The following DOK7 variants were observed in gnomAD, a reference collection of about 807,000 sequenced individuals.
DOK7 encodes the protein docking protein 7.
A neutral mutation model predicts 30.7 loss-of-function variants in DOK7; 32 were observed. The ratio of observed to expected loss-of-function variants is 1.04; its 90% CI spans 0.79 to 1.40. DOK7 has a LOEUF of 1.40. Ranked by LOEUF, DOK7 falls within the 40% of genes most tolerant of loss-of-function variation. DOK7 has a pLI of 0.00. For synonymous variants in DOK7, 447 were observed against 324.1 expected, an observed-to-expected ratio of 1.38 and a Z score of -4.07; for missense variants, 1,007 against 699.2, an observed-to-expected ratio of 1.44 and a Z score of -4.97.
chr4:3,470,180 A>C (rs990349935), intron 2 of DOK7, among the ~76,000 whole-genome samples: 1 of 152,164 alleles, frequency 6.6e-6, no homozygotes, highest in African/African-American at 2.4e-5. Context: ...TCAGCGCTCC[A>C]GTCCCTGCCT....
At chr4:3,487,839 TC>T (rs1464272129) in intron 5 of DOK7, among the ~76,000 whole-genome samples, 1 of 152,226 alleles carries the variant, frequency 6.6e-6, no homozygotes, top group African/African-American at 2.4e-5. Context: ...GTGGCCCTGG[TC>T]GGAATGTCCC....
In DOK7 at chr4:3,493,270, C is replaced by G; in HGVS notation, c.1284C>G (p.Asn428Lys). ...CCCCCTCACAGGGCAGCCCCGGCAA[C>G]AGTGCGGCCAGGGACTCAGGCGGCC... is the stretch of plus-strand genomic sequence containing the variant. Reference protein sequence around the residue: ...HSPPSQGSPGNSAARDSGGQT... With the variant: ...HSPPSQGSPGKSAARDSGGQT... Residue 428 changes from asparagine to lysine, a missense_variant, in exon 7 of 7, where the codon AAC (asparagine) becomes AAG (lysine). Asn to Lys is a moderately conservative substitution (Grantham distance 94, BLOSUM62 0). Coordinates refer to ENST00000340083, the MANE Select transcript of DOK7 (RefSeq NM_173660.5). 1 of 1,611,250 alleles carries G rather than the reference C, an allele frequency of 6.2e-7. No individual in the cohort carries two copies. The highest frequency in any genetic ancestry group is 8.5e-7 in the Non-Finnish European group (1 of 1,179,362).
chr4:3,496,290 C>T (rs1300083999), downstream of DOK7, among the ~76,000 whole-genome samples: 1 of 149,346 alleles, frequency 6.7e-6, no homozygotes, highest in Non-Finnish European at 1.5e-5. Flanking sequence ...CTTTGCTCAT[C>T]TCATCTGGGG....
rs753875994 is a variant in DOK7 at position 3,489,804 on chromosome 4, C to CG, written c.772+13dup. On this transcript the variant is annotated intron_variant, in intron 6 of 6. Coordinates refer to ENST00000340083, the MANE Select transcript of DOK7 (RefSeq NM_173660.5). ...GCAGGCCGGGCAGTGGAGGTAGGGC[C>CG]GGGGGCTGACCTGGGCTGTGGGACC... The CG allele has an allele frequency of 1.1e-5, 18 of 1,569,102 alleles. No homozygotes were observed. The East Asian group carries it at 4.2e-4, about 37-fold the overall frequency.
At position 3,485,644 on chromosome 4, in the gene DOK7, G is replaced by A. The variant is rs371408752; in HGVS notation, c.638G>A (p.Arg213Gln). 118 of 1,600,452 alleles carry A rather than the reference G, an allele frequency of 7.4e-5. No homozygotes were observed. The highest frequency in any genetic ancestry group is 9.9e-5 in the Non-Finnish European group (116 of 1,173,200). The change falls in exon 5 of 7, where the codon CGG becomes CAG. Residue 213 changes from arginine (R) to glutamine (Q), a missense_variant. Arg to Gln is a conservative substitution (Grantham distance 43). Coordinates refer to ENST00000340083, the MANE Select transcript of DOK7 (RefSeq NM_173660.5). ...ISPTKGPFGLRPVLPDPSPPG... is the reference protein window; with the variant it reads ...ISPTKGPFGLQPVLPDPSPPG... ...CCCACCAAGGGCCCCTTTGGGCTGCGGCCGGTTCTACCAGGTGCGTGTGGG... is the reference window on the plus strand; with the variant it reads ...CCCACCAAGGGCCCCTTTGGGCTGCAGCCGGTTCTACCAGGTGCGTGTGGG...
At chr4:3,464,144 G>A (rs757633661) in intron 2 of DOK7, among the ~76,000 whole-genome samples, 2 of 152,168 alleles carry the variant, frequency 1.3e-5, no homozygotes, top group South Asian at 2.1e-4. Context: ...CGCCTGCAGC[G>A]CTGGGCCTGT....
chr4:3,477,354 C>T (rs1185973090), intron 4 of DOK7, among the ~76,000 whole-genome samples: 1 of 152,206 alleles, frequency 6.6e-6, no homozygotes, highest in Non-Finnish European at 1.5e-5. Flanking sequence ...GCTGAGAGGA[C>T]TGAGGGACTG....
intron 4 of DOK7, among the ~76,000 whole-genome samples, chr4:3,479,841 G>A (rs1026092595): frequency 5.3e-5 from 8 of 152,238 alleles, no homozygotes; most frequent in Non-Finnish European, 1.5e-5. Context: ...GGTCCCCAGT[G>A]TGGCCCAATT....
intron 4 of DOK7, among the ~76,000 whole-genome samples, chr4:3,482,866 G>A (rs1313832669): frequency 6.6e-6 from 1 of 151,876 alleles, no homozygotes; most frequent in East Asian, 1.9e-4. Flanking sequence ...TGTGCTCCCT[G>A]CCGGCAAGGT....
intron 6 of DOK7, among the ~76,000 whole-genome samples, chr4:3,490,111 CA>C (rs1728136198): frequency 1.7e-4 from 4 of 23,778 alleles, no homozygotes; most frequent in African/African-American, 7.2e-4. Context: ...TCTTCACCCC[CA>C]TTCATTCCTT....
At chr4:3,469,333 C>T (rs991535648) in intron 2 of DOK7, among the ~76,000 whole-genome samples, 2 of 152,118 alleles carry the variant, frequency 1.3e-5, no homozygotes, top group African/African-American at 4.8e-5. Flanking sequence ...CCACCCAGCC[C>T]AGTGCTGCCT....
intron 4 of DOK7, among the ~76,000 whole-genome samples, chr4:3,484,247 C>T (rs549538920): frequency 3.3e-5 from 5 of 152,348 alleles, no homozygotes; most frequent in South Asian, 4.1e-4. Context: ...CGCTCGCCCT[C>T]GTGTGCCCGG....
intron 2 of DOK7, among the ~76,000 whole-genome samples, chr4:3,471,255 G>A (rs1172215113): frequency 3.9e-5 from 6 of 152,238 alleles, no homozygotes; most frequent in Admixed American, 3.9e-4. Context: ...TCCTGCAGAT[G>A]GTCCTTACGG....
chr4:3,469,653 T>C (rs1485720157), intron 2 of DOK7, among the ~76,000 whole-genome samples: 1 of 152,198 alleles, frequency 6.6e-6, no homozygotes, highest in African/African-American at 2.4e-5. Context: ...GCACACGTGC[T>C]GTGTCCCAGG....
At chr4:3,465,250 C>T (rs193107785) in intron 2 of DOK7, among the ~76,000 whole-genome samples, 142 of 152,322 alleles carry the variant, frequency 9.3e-4, no homozygotes, top group Middle Eastern at 3.4e-3. Context: ...CCCACCCTGA[C>T]CAGGCCAGCC....
At chr4:3,465,342 C>T (rs1175103363) in intron 2 of DOK7, among the ~76,000 whole-genome samples, 1 of 152,206 alleles carries the variant, frequency 6.6e-6, no homozygotes, top group African/African-American at 2.4e-5. Context: ...CCCCCTTTGC[C>T]TTCACCCAGC....
intron 5 of DOK7, among the ~76,000 whole-genome samples, chr4:3,488,712 G>T (rs1727970209): frequency 6.6e-6 from 1 of 152,002 alleles, no homozygotes; most frequent in Non-Finnish European, 1.5e-5. Context: ...CAAGGTGGGT[G>T]TCAGGAGGTG....
intron 6 of DOK7, among the ~76,000 whole-genome samples, chr4:3,490,002 C>T (rs1560225368): frequency 1.7e-5 from 2 of 120,824 alleles, no homozygotes; most frequent in South Asian, 6.7e-4. Flanking sequence ...CCTGCTCATT[C>T]CTTCCTTCTC....
chr4:3,469,722 C>A (rs1726644074), intron 2 of DOK7, among the ~76,000 whole-genome samples: 1 of 152,218 alleles, frequency 6.6e-6, no homozygotes, highest in South Asian at 2.1e-4. Context: ...TGGTCTCAGC[C>A]CTGGGCCTGG....
Sources: gnomAD v4.1 joint callset for allele counts (sites outside exome capture counted in the v4.1 genomes callset) on GRCh38, gnomAD v4.1.1 for gene constraint, MANE v1.5 for transcripts, NCBI Gene and HGNC (gene_info 2026-07-23, HGNC 2026-07-21) for gene names.